The following TSHZ3 variants were observed in gnomAD, a reference collection of about 807,000 sequenced individuals.
The protein encoded by TSHZ3 is teashirt homolog 3.
In TSHZ3, 10 loss-of-function variants were observed where a neutral mutation model predicts 64.5. The observed-to-expected ratio is 0.16, with a 90% CI of 0.10 to 0.26. TSHZ3 has a LOEUF of 0.26. TSHZ3 is among the 10% of genes least tolerant of loss of function. The probability of loss-of-function intolerance (pLI) is 1.00; values close to 1 mark genes in which losing one functional copy is unlikely to be tolerated. For synonymous variants in TSHZ3, 608 were observed against 593.1 expected (o/e 1.03, Z -0.36); for missense variants, 1,242 against 1,421.7 (o/e 0.87, Z 2.03).
intron 1 of TSHZ3, among the ~76,000 whole-genome samples, chr19:31,293,512 T>C (rs749086198): frequency 5.9e-5 from 9 of 152,206 alleles, no homozygotes; most frequent in Non-Finnish European, 1.5e-5. Context: ...TCATGCTTGG[T>C]CTTTTCACAT....
chr19:31,196,492 G>T (rs1275918203), intron 5 of TSHZ3, among the ~76,000 whole-genome samples: 1 of 151,918 alleles, frequency 6.6e-6, no homozygotes, highest in Non-Finnish European at 1.5e-5. Flanking sequence ...CACTTTGAAT[G>T]CCAATGGTTA....
chr19:31,227,753 C>T (rs552731073), intron 4 of TSHZ3, among the ~76,000 whole-genome samples: 42 of 152,302 alleles, frequency 2.8e-4, no homozygotes, highest in African/African-American at 1.0e-3. Context: ...TCTACACAAG[C>T]ATGCCTTGAA....
intron 1 of TSHZ3, among the ~76,000 whole-genome samples, chr19:31,336,954 G>C (rs1174440063): frequency 6.6e-6 from 1 of 151,344 alleles, no homozygotes; most frequent in Non-Finnish European, 1.5e-5. Context: ...AGCTGCTTAA[G>C]TGTCTAGAAA....
intron 1 of TSHZ3, among the ~76,000 whole-genome samples, chr19:31,284,793 C>T (rs1268077736): frequency 6.6e-6 from 1 of 152,226 alleles, no homozygotes; most frequent in Non-Finnish European, 1.5e-5. Context: ...AGACCCCACA[C>T]ACCCACACCC....
At position 31,349,405 on chromosome 19, in the gene TSHZ3, GCCGCGAAC is replaced by G; in HGVS notation, c.-194_-187del. ...CCGCGTCCCCCCCGCGCCGCGCTCC[GCCGCGAAC>G]CCCGAACGTGCGGAGGGAAGAAGGA... is the stretch of plus-strand genomic sequence containing the variant. On this transcript the variant is annotated 5_prime_UTR_variant, in exon 1 of 2. Coordinates refer to ENST00000240587, the MANE Select transcript of TSHZ3 (RefSeq NM_020856.4). 1 of 439,530 alleles carries G rather than the reference GCCGCGAAC, an allele frequency of 2.3e-6. No homozygotes were observed. The highest frequency in any genetic ancestry group is 3.8e-6 in the Non-Finnish European group (1 of 264,590). The allele number at this position is 439,530 out of a possible 1,614,324, so 27.2% of individuals were successfully genotyped here. A position where few individuals can be genotyped will look rare whatever the true frequency, so the allele number is the denominator to read the frequency against.
chr19:31,350,014 G>T (rs1339306048), upstream of TSHZ3, among the ~76,000 whole-genome samples: 1 of 130,364 alleles, frequency 7.7e-6, no homozygotes, highest in East Asian at 2.5e-4. Flanking sequence ...CGCCAGCCCC[G>T]CCGAGCCCGT....
Position 31,325,378 on chromosome 19 carries a change from C to T in TSHZ3, c.40+23802G>A, listed in dbSNP as rs777327263. On this transcript the variant is annotated intron_variant, in intron 1 of 1. Transcript: ENST00000240587. ...ATGAATTTACCTATTTGCTGTCACC[C>T]AGAGACTGAAATAAAAAAGGCAAAG... Among the ~76,000 whole-genome samples the T allele has an allele frequency of 5.4e-4, 82 of 152,150 alleles. 4 individuals carry two copies. Among genetic ancestry groups the T allele is most frequent in the Non-Finnish European group, 3.7e-4 (25 of 68,026 alleles).
intron 3 of TSHZ3, among the ~76,000 whole-genome samples, chr19:31,239,006 A>G (rs1345365010): frequency 6.6e-6 from 1 of 152,164 alleles, no homozygotes; most frequent in African/African-American, 2.4e-5. Context: ...GATATCTAAT[A>G]CATCTTCTCT....
rs1419978460 is a variant in TSHZ3 at position 31,349,172 on chromosome 19, G to C, written c.40+8C>G. 1 of 1,541,612 alleles carries C rather than the reference G, an allele frequency of 6.5e-7. No individual in the cohort carries two copies. The highest frequency in any genetic ancestry group is 8.7e-7 in the Non-Finnish European group (1 of 1,144,284). ...AGGAGAGCAGAAGGAAGGGGAAGCG[G>C]CTCGTACCTGCTGCGCGCCGGGGCG... On this transcript the variant is annotated splice_region_variant and intron_variant, in intron 1 of 1. Coordinates refer to ENST00000240587, the MANE Select transcript of TSHZ3 (RefSeq NM_020856.4).
chr19:31,329,444 A>G (rs1490681419), intron 1 of TSHZ3, among the ~76,000 whole-genome samples: 4 of 152,248 alleles, frequency 2.6e-5, no homozygotes, highest in Non-Finnish European at 5.9e-5. Flanking sequence ...GGCAATGGGC[A>G]CGCTCAAGTT....
intron 4 of TSHZ3, among the ~76,000 whole-genome samples, chr19:31,216,988 G>T (rs1293374600): frequency 6.6e-6 from 1 of 151,258 alleles, no homozygotes; most frequent in African/African-American, 2.4e-5. Context: ...TAGTAGAGAA[G>T]GTGTTTCACC....
At position 31,320,020 on chromosome 19, in the gene TSHZ3, G is replaced by C. The variant is rs553083181; in HGVS notation, c.40+29160C>G. On this transcript the variant is annotated intron_variant, in intron 1 of 1. Coordinates refer to ENST00000240587, the MANE Select transcript of TSHZ3 (RefSeq NM_020856.4). ...GCTACAGCCTGGCTCAAAAACCAGA[G>C]CTTAGAGCTGCAGATGACCTGACGT... Among the ~76,000 whole-genome samples, 6 of 152,222 alleles carry C rather than the reference G, an allele frequency of 3.9e-5. No individual in the cohort carries two copies. In the East Asian group the frequency reaches 1.2e-3, roughly 29 times the overall value.
intron 1 of TSHZ3, among the ~76,000 whole-genome samples, chr19:31,256,866 C>T (rs894294960): frequency 6.6e-6 from 1 of 152,188 alleles, no homozygotes; most frequent in Non-Finnish European, 1.5e-5. Context: ...ATCTCCATCC[C>T]ACAGCATTGT....
chr19:31,242,838 C>G (rs925978029), exon 2 of TSHZ3, among the ~76,000 whole-genome samples: 1 of 89,942 alleles, frequency 1.1e-5, no homozygotes, highest in Non-Finnish European at 2.1e-5. Context: ...ACCTGGAGCT[C>G]TGATGTCCAA....
At chr19:31,347,125 T>G (rs771353965) in intron 1 of TSHZ3, among the ~76,000 whole-genome samples, 35 of 151,818 alleles carry the variant, frequency 2.3e-4, no homozygotes, top group Middle Eastern at 6.8e-3. Flanking sequence ...CTATTAGTCC[T>G]GCAGTCAAGT....
At chr19:31,345,259 C>T (rs901064682) in intron 1 of TSHZ3, among the ~76,000 whole-genome samples, 3 of 152,218 alleles carry the variant, frequency 2.0e-5, no homozygotes, top group African/African-American at 7.2e-5. Flanking sequence ...AGTAGAATAC[C>T]TGTCCAAGGA....
chr19:31,251,074 G>A (rs181205390), intron 1 of TSHZ3, among the ~76,000 whole-genome samples: 1 of 152,238 alleles, frequency 6.6e-6, no homozygotes, highest in East Asian at 1.9e-4. Flanking sequence ...GGGAGGAAAT[G>A]GAGTTAGGGT....
chr19:31,323,178 T>C (rs1916823987), intron 1 of TSHZ3, among the ~76,000 whole-genome samples: 1 of 152,148 alleles, frequency 6.6e-6, no homozygotes, highest in Admixed American at 6.5e-5. Context: ...GGAGTGGAAG[T>C]CCATACAGCC....
rs577949516 is a variant in TSHZ3, at chr19:31,332,462, A to AT, written c.40+16717dup. 2.0e-4 allele frequency among the ~76,000 whole-genome samples: 31 copies of AT among 152,240 alleles called. No homozygotes were observed. The South Asian group carries it at 6.2e-3, about 31-fold the overall frequency. ...GTCATGGGATAGAAACTGAGATCAC[A>AT]TTTTTTGGAGCCACGATGACCGACG... On this transcript the variant is annotated intron_variant, in intron 1 of 1. Transcript: ENST00000240587.
Sources: gnomAD v4.1 joint callset for allele counts (sites outside exome capture counted in the v4.1 genomes callset) on GRCh38, gnomAD v4.1.1 for gene constraint, MANE v1.5 for transcripts, NCBI Gene and HGNC (gene_info 2026-07-23, HGNC 2026-07-21) for gene names.